Variants in IPO4 observed in about 807,000 individuals in gnomAD.
IPO4 encodes importin-4.
In IPO4, 91 loss-of-function variants were observed where a neutral mutation model predicts 133.5. The ratio of observed to expected loss-of-function variants is 0.68; its 90% CI spans 0.58 to 0.81. The LOEUF (loss-of-function observed/expected upper bound fraction) is 0.81. IPO4 is among the 30% of genes least tolerant of loss of function. IPO4 has a pLI of 0.00. For synonymous variants in IPO4, 607 were observed against 581.6 expected, an observed-to-expected ratio of 1.04 and a Z score of -0.63; for missense variants, 1,279 against 1,386.2, an observed-to-expected ratio of 0.92 and a Z score of 1.23.
chr14:24,187,284 T>C lies in IPO4; in HGVS notation c.588+116A>G, dbSNP rs1566645178. ...GCCCACCTACAGCATCCCCTCTCAATTGTCAGGAAGGGCCACAGGCAGGTA... is the reference window on the plus strand; with the variant it reads ...GCCCACCTACAGCATCCCCTCTCAACTGTCAGGAAGGGCCACAGGCAGGTA... On this transcript the variant is annotated intron_variant, in intron 6 of 29. Transcript: ENST00000354464. 5 of 1,467,774 alleles carry C rather than the reference T, an allele frequency of 3.4e-6. No homozygotes were observed. In the East Asian group the frequency reaches 1.1e-4, roughly 33 times the overall value. 90.9% of individuals were successfully genotyped at this position (1,467,774 alleles called of 1,614,324 possible). A position where few individuals can be genotyped will look rare whatever the true frequency, so the allele number is the denominator to read the frequency against.
chr14:24,185,300 T>C lies in IPO4; in HGVS notation c.1291A>G (p.Ser431Gly). The C allele has an allele frequency of 6.2e-7, 1 of 1,614,092 alleles. No homozygotes were observed. The highest frequency in any genetic ancestry group is 8.5e-7 in the Non-Finnish European group (1 of 1,179,994). The change falls in exon 14 of 30, where the codon AGC becomes GGC. Residue 431 changes from serine to glycine, a missense_variant. By Grantham distance (56) the Ser-to-Gly change is moderately conservative (BLOSUM62 0). Transcript: ENST00000354464. ...FSENLQPHIS[S>G]YSREVMPLLL... is the part of the protein sequence containing the mutation. ...AGTGGCATTACCTCCCTTGAATAGC[T>C]GCTGATATGGGGCTGGGGGAGGGAG...
chr14:24,188,511 C>T (rs1429991496), intron 2 of IPO4, 41 bp downstream of exon 2: 14 of 1,607,154 alleles, frequency 8.7e-6, no homozygotes, highest in Non-Finnish European at 1.2e-5. Flanking sequence ...TGACCGGTGG[C>T]GTACAGTGGG....
intron 16 of IPO4, 30 bp downstream of exon 16, chr14:24,184,620 G>A (rs2039191693): frequency 1.3e-6 from 2 of 1,525,146 alleles, no homozygotes; most frequent in South Asian, 2.5e-5. Context: ...TGCTGGCACT[G>A]GGAGCCCCAC....
chr14:24,185,710 G>A, intron 12 of IPO4, 143 bp from the exon 13 acceptor site: 1 of 917,522 alleles, frequency 1.1e-6, no homozygotes, highest in Admixed American at 2.1e-5. Flanking sequence ...CCCTATAGCT[G>A]GTAAGCCATG....
At chr14:24,180,598 T>G in intron 29 of IPO4, 26 bp from the exon 30 acceptor site, 2 of 1,612,166 alleles carry the variant, frequency 1.2e-6, no homozygotes, top group Non-Finnish European at 8.5e-7. Flanking sequence ...GGGAGAAAGG[T>G]CGGGGCTCCT....
intron 18 of IPO4, 26 bp downstream of exon 18, chr14:24,183,972 G>GGGGGGGCCCCCC: frequency 6.4e-7 from 1 of 1,573,292 alleles, no homozygotes; most frequent in Non-Finnish European, 8.6e-7. Context: ...GGCAGGCCTG[G>GGGGGGGCCCCCC]CCCAGCCCAC....
At position 24,182,400 on chromosome 14, in the gene IPO4, C is replaced by T. The variant is rs1345437762; in HGVS notation, c.2476G>A (p.Glu826Lys). The change falls in exon 25 of 30, where the codon GAA becomes AAA. Residue 826 changes from glutamate to lysine, a missense_variant. Transcript: ENST00000354464. Reference protein sequence around the residue: ...EEEEEDDDQAEYDAMLLEHAG... With the variant: ...EEEEEDDDQAKYDAMLLEHAG... ...TGCTCCAGCAACATGGCGTCGTATT[C>T]AGCCTGTGGAGCCAGGTCAGGGGCT... 2 of 1,609,436 alleles carry T rather than the reference C, an allele frequency of 1.2e-6. No individual in the cohort carries two copies. The highest frequency in any genetic ancestry group is 1.7e-6 in the Non-Finnish European group (2 of 1,178,262).
chr14:24,188,788 G>A lies in IPO4; in HGVS notation c.-1C>T, dbSNP rs1330091916. The A allele has an allele frequency of 2.0e-6, 3 of 1,501,650 alleles. No individual in the cohort carries two copies. The highest frequency in any genetic ancestry group is 2.7e-6 in the Non-Finnish European group (3 of 1,127,348). 93.0% of individuals were successfully genotyped at this position (1,501,650 alleles called of 1,614,324 possible). On this transcript the variant is annotated 5_prime_UTR_variant, in exon 1 of 30. Transcript: ENST00000354464. Reference sequence around the variant, plus strand: ...GCTGCTCTAGCCCGGCTGACTCCATGGCAGCAACTGAGCCGCCGCTACTGG... The same window carrying A: ...GCTGCTCTAGCCCGGCTGACTCCATAGCAGCAACTGAGCCGCCGCTACTGG...
intron 28 of IPO4, 113 bp downstream of exon 28, chr14:24,181,400 C>T: frequency 1.3e-6 from 1 of 783,596 alleles, no homozygotes; most frequent in South Asian, 1.6e-5. Context: ...AAACTGTCAC[C>T]TTGCATCAGG....
rs1425244397 is a variant in IPO4 at position 24,180,296 on chromosome 14, G to A, written c.*146C>T. The stretch of plus-strand genomic sequence containing the variant: ...CATTTGTAACAGATCCAGCCTCAGG[G>A]ACAGCCCTGTAAGGCAGCAAGTGGG... On this transcript the variant is annotated 3_prime_UTR_variant, in exon 30 of 30. Coordinates refer to ENST00000354464, the MANE Select transcript of IPO4 (RefSeq NM_024658.4). The A allele has an allele frequency of 1.3e-6, 2 of 1,517,780 alleles. No homozygotes were observed. The highest frequency in any genetic ancestry group is 2.8e-5 in the African/African-American group (2 of 72,618). The allele number at this position is 1,517,780 out of a possible 1,614,324, so 94.0% of individuals were successfully genotyped here. A position where few individuals can be genotyped will look rare whatever the true frequency, so the allele number is the denominator to read the frequency against.
rs1406130044 is a variant in IPO4 at position 24,185,229 on chromosome 14, G to A, written c.1362C>T (p.His454=). The part of the protein sequence containing the change: ...LKSVPLGHTH[H]LAKACYALEN... ...CCAGGGCATAGCAGGCCTTGGCTAGGTGGTGTGTGTGTCCAAGAGGCACCG... is the reference window on the plus strand; with the variant it reads ...CCAGGGCATAGCAGGCCTTGGCTAGATGGTGTGTGTGTCCAAGAGGCACCG... The change falls in exon 14 of 30, where the codon CAC becomes CAT. Residue 454 remains histidine, a synonymous_variant. Coordinates refer to ENST00000354464, the MANE Select transcript of IPO4 (RefSeq NM_024658.4). 1 of 1,614,172 alleles carries A rather than the reference G, an allele frequency of 6.2e-7. No individual in the cohort carries two copies.
At chr14:24,184,800 G>A (rs1423248785) in intron 15 of IPO4, 37 bp from the exon 16 acceptor site, 2 of 1,601,612 alleles carry the variant, frequency 1.2e-6, no homozygotes, top group East Asian at 2.2e-5. Context: ...GCTGGAGAGG[G>A]CAGGGACCAC....
At position 24,188,390 on chromosome 14, in the gene IPO4, G is replaced by A. The variant is rs1275390818; in HGVS notation, c.190C>T (p.Arg64Ter). The A allele has an allele frequency of 1.2e-6, 2 of 1,612,758 alleles. No homozygotes were observed. The highest frequency in any genetic ancestry group is 1.7e-6 in the Non-Finnish European group (2 of 1,179,924). Residue 64 changes from arginine to a stop codon, truncating the protein, a stop_gained, in exon 3 of 30, where the codon CGA (arginine) becomes TGA (stop). Coordinates refer to ENST00000354464, the MANE Select transcript of IPO4 (RefSeq NM_024658.4). LOFTEE classifies it high-confidence loss of function. ...RQFAAVLTRR[R>*]LNTRWRRLAA... ...AGCCGTCGCCAGCGGGTGTTCAGTC[G>A]TCTGCGGGTCAGCACGGCCGCAAAC...
chr14:24,182,627 G>T, intron 24 of IPO4, 165 bp downstream of exon 24: 1 of 965,296 alleles, frequency 1.0e-6, no homozygotes, highest in Non-Finnish European at 1.6e-6. Flanking sequence ...CTCCTTCCCT[G>T]AACTCCCACT....
rs1200116305 is a variant in IPO4 at position 24,186,381 on chromosome 14, G to A, written c.911C>T (p.Pro304Leu). The A allele has an allele frequency of 1.2e-6, 2 of 1,612,962 alleles. No individual in the cohort carries two copies. Among genetic ancestry groups the A allele is most frequent in the African/African-American group, 1.3e-5 (1 of 75,016 alleles). Reference sequence around the variant, plus strand: ...GTCCTCGGGATCCAACTGGCCTGGTGGGGGCTCAGCAGCCACAATGGGGAA... The same window carrying A: ...GTCCTCGGGATCCAACTGGCCTGGTAGGGGCTCAGCAGCCACAATGGGGAA... ...TLFPIVAAEPPPGQLDPEDQD... is the reference protein window; with the variant it reads ...TLFPIVAAEPLPGQLDPEDQD... The change falls in exon 10 of 30, where the codon CCA becomes CTA. Residue 304 changes from proline (P) to leucine (L), a missense_variant. Pro to Leu is a moderately conservative substitution (Grantham distance 98, BLOSUM62 -3). This residue lies in a region of IPO4 where 695 missense variants were observed against 704.1 expected (regional missense o/e 0.99). Transcript: ENST00000354464.
In IPO4 at chr14:24,188,275, G is replaced by T; in HGVS notation, c.237-18C>A. 6.2e-7 allele frequency: 1 copy of T among 1,613,302 alleles called. No individual in the cohort carries two copies. Among genetic ancestry groups the T allele is most frequent in the Non-Finnish European group, 8.5e-7 (1 of 1,179,666 alleles). ...ACTTGAGGCTGGAACACAGGTGGCA[G>T]GTGTTTGGTACCCAGCCTGCCCAAG... On this transcript the variant is annotated intron_variant, in intron 3 of 29. Coordinates refer to ENST00000354464, the MANE Select transcript of IPO4 (RefSeq NM_024658.4).
In IPO4 at chr14:24,180,669, C is replaced by T; in HGVS notation, c.3115+20G>A. On this transcript the variant is annotated intron_variant, in intron 29 of 29. Transcript: ENST00000354464. ...ACTCCCAGCCTCCCGCAAGCCCCTG[C>T]CTATGACTCCTACCCTCACCTGGTG... 1 of 1,614,038 alleles carries T rather than the reference C, an allele frequency of 6.2e-7. No individual in the cohort carries two copies. Among genetic ancestry groups the T allele is most frequent in the Non-Finnish European group, 8.5e-7 (1 of 1,179,936 alleles).
In IPO4 at chr14:24,186,715, T is replaced by C. The variant is rs755668330; in HGVS notation, c.833A>G (p.Lys278Arg). 3.1e-6 allele frequency: 5 copies of C among 1,614,010 alleles called. No homozygotes were observed. In the East Asian group the frequency reaches 8.9e-5, roughly 29 times the overall value. ...LCCLTFLVKV[K>R]SKALLKNRLL... ...CAATGGGCACTCACTTACCTTGCTC[T>C]TGACTTTGACCAAGAAAGTGAGGCA... is the stretch of plus-strand genomic sequence containing the variant. Residue 278 changes from lysine to arginine, a missense_variant, in exon 9 of 30, where the codon AAG becomes AGG. This residue lies in a region of IPO4 where 695 missense variants were observed against 704.1 expected (regional missense o/e 0.99). Transcript: ENST00000354464.
chr14:24,184,020 A>G lies in IPO4; in HGVS notation c.1847T>C (p.Leu616Pro). 7.1e-7 allele frequency: 1 copy of G among 1,405,932 alleles called. No individual in the cohort carries two copies. Among genetic ancestry groups the G allele is most frequent in the South Asian group, 1.1e-5 (1 of 88,122 alleles). 87.1% of individuals were successfully genotyped at this position (1,405,932 alleles called of 1,614,324 possible). The change falls in exon 18 of 30, where the codon CTG (leucine) becomes CCG (proline). Residue 616 changes from leucine (L) to proline (P), a missense_variant. By Grantham distance (98) the Leu-to-Pro change is moderately conservative (BLOSUM62 -3). Coordinates refer to ENST00000354464, the MANE Select transcript of IPO4 (RefSeq NM_024658.4). Reference sequence around the variant, plus strand: ...CACCACAATGCCCTCGGTGGAACGCAGTGACAGCAGCATGAGCGTGGTGAT... The same window carrying G: ...CACCACAATGCCCTCGGTGGAACGCGGTGACAGCAGCATGAGCGTGGTGAT... ...EQITTLMLLS[L>P]RSTEGIVPQY...
Sources: allele counts gnomAD v4.1 joint callset, GRCh38; gene constraint gnomAD v4.1.1; regional missense constraint gnomAD v4.1.1; transcripts MANE v1.5; gene names NCBI Gene and HGNC (gene_info 2026-07-23, HGNC 2026-07-21).